The following NRG1 variants were observed in gnomAD, a reference collection of about 807,000 sequenced individuals.
NRG1 encodes neuregulin 1.
NRG1 carries 18 observed loss-of-function variants against 63.8 expected under a neutral mutation model. The ratio of observed to expected loss-of-function variants is 0.28; its 90% confidence interval spans 0.19 to 0.42. NRG1 has a LOEUF of 0.42. NRG1 is among the 10% of genes least tolerant of loss of function. The pLI is 1.00. For synonymous variants in NRG1, 302 were observed against 301.3 expected (o/e 1.00, Z -0.02); for missense variants, 762 against 814.7 (o/e 0.94, Z 0.79).
intron 1 of NRG1, among the ~76,000 whole-genome samples, chr8:32,567,158 T>C (rs1837606643): frequency 6.6e-6 from 1 of 152,204 alleles, no homozygotes; most frequent in South Asian, 2.1e-4. Flanking sequence ...TTTGGATGAA[T>C]TGACTCTGGT....
At chr8:32,394,753 T>C (rs1812226209) in intron 1 of NRG1, among the ~76,000 whole-genome samples, 1 of 152,186 alleles carries the variant, frequency 6.6e-6, no homozygotes, top group Non-Finnish European at 1.5e-5. Context: ...GACTTCAGTT[T>C]GGCCTTCAAG....
At chr8:32,600,887 T>A (rs2129538412) in intron 2 of NRG1, among the ~76,000 whole-genome samples, 1 of 152,250 alleles carries the variant, frequency 6.6e-6, no homozygotes, top group Admixed American at 6.5e-5. Context: ...AAAAGTTAAA[T>A]TTATGACTAT....
At chr8:31,692,227 G>A (rs1809606625) in intron 1 of NRG1, among the ~76,000 whole-genome samples, 1 of 152,166 alleles carries the variant, frequency 6.6e-6, no homozygotes, top group Non-Finnish European at 1.5e-5. Flanking sequence ...TCTTCATAAT[G>A]AGTCATAGAA....
chr8:32,463,057 T>C (rs983382230), intron 1 of NRG1, among the ~76,000 whole-genome samples: 4 of 152,004 alleles, frequency 2.6e-5, no homozygotes, highest in Non-Finnish European at 5.9e-5. Context: ...AGTAAGATCG[T>C]GCAGTAGTTT....
chr8:31,905,867 T>C (rs1201746788), intron 1 of NRG1, among the ~76,000 whole-genome samples: 2 of 152,222 alleles, frequency 1.3e-5, no homozygotes, highest in Non-Finnish European at 2.9e-5. Context: ...TTGATGGTTA[T>C]TAGTAGTATA....
At chr8:32,459,190 C>T (rs953763502) in intron 1 of NRG1, among the ~76,000 whole-genome samples, 1 of 152,114 alleles carries the variant, frequency 6.6e-6, no homozygotes, top group East Asian at 1.9e-4. Flanking sequence ...TCTGGTCTTG[C>T]CCATCTCAAT....
At chr8:32,233,559 ATATATTT>A (rs1455166079) in intron 1 of NRG1, among the ~76,000 whole-genome samples, 63 of 67,458 alleles carry the variant, frequency 9.3e-4, no homozygotes, top group Middle Eastern at 8.5e-3. Context: ...ATATATATAT[ATATATTT>A]TTTTTTTTTT....
chr8:31,803,722 G>C (rs1446510837), intron 1 of NRG1, among the ~76,000 whole-genome samples: 5 of 152,292 alleles, frequency 3.3e-5, no homozygotes, highest in African/African-American at 1.2e-4. Context: ...ATCCTAGAAT[G>C]ACTTCCATTG....
chr8:32,671,267 C>T (rs1178392733), intron 5 of NRG1, among the ~76,000 whole-genome samples: 1 of 152,052 alleles, frequency 6.6e-6, no homozygotes, highest in African/African-American at 2.4e-5. Context: ...TCCTTTGTTC[C>T]TCCTCATCAT....
chr8:32,671,808 A>C (rs987900435), intron 5 of NRG1, among the ~76,000 whole-genome samples: 1 of 152,190 alleles, frequency 6.6e-6, no homozygotes, highest in Admixed American at 6.5e-5. Flanking sequence ...TCAGTTAGTA[A>C]ATTCAATAAA....
intron 1 of NRG1, among the ~76,000 whole-genome samples, chr8:31,678,603 T>C (rs536418898): frequency 2.0e-5 from 3 of 151,918 alleles, no homozygotes; most frequent in African/African-American, 7.2e-5. Context: ...TTTAAACTTT[T>C]CTGATGACAT....
intron 1 of NRG1, among the ~76,000 whole-genome samples, chr8:31,792,554 A>T (rs968201287): frequency 6.6e-6 from 1 of 152,260 alleles, no homozygotes; most frequent in Non-Finnish European, 1.5e-5. Flanking sequence ...GATTTTAAAA[A>T]AATTGTTTCA....
At chr8:31,874,076 G>A (rs908354541) in intron 1 of NRG1, among the ~76,000 whole-genome samples, 2 of 152,150 alleles carry the variant, frequency 1.3e-5, no homozygotes, top group African/African-American at 4.8e-5. Flanking sequence ...GATCATTTGT[G>A]TAATTGAATC....
intron 1 of NRG1, among the ~76,000 whole-genome samples, chr8:31,902,563 T>C (rs1051130729): frequency 6.6e-6 from 1 of 152,142 alleles, no homozygotes; most frequent in Non-Finnish European, 1.5e-5. Context: ...ATTATCACTA[T>C]AGAAAACAAA....
At chr8:32,267,767 C>A (rs1396907570) in intron 1 of NRG1, among the ~76,000 whole-genome samples, 1 of 152,172 alleles carries the variant, frequency 6.6e-6, no homozygotes, top group African/African-American at 2.4e-5. Context: ...TAAAATGGAG[C>A]TGATGTTCAT....
At chr8:31,969,629 G>T (rs1462123648) in intron 1 of NRG1, among the ~76,000 whole-genome samples, 2 of 152,136 alleles carry the variant, frequency 1.3e-5, no homozygotes, top group African/African-American at 4.8e-5. Context: ...TGTGTGTCTG[G>T]CTGCTACCTA....
At chr8:31,771,027 C>A (rs1483683279) in intron 1 of NRG1, among the ~76,000 whole-genome samples, 1 of 151,980 alleles carries the variant, frequency 6.6e-6, no homozygotes, top group Non-Finnish European at 1.5e-5. Context: ...AATCATTTTC[C>A]TTTATAGCAT....
chr8:32,160,357 G>T (rs1312505033), intron 1 of NRG1, among the ~76,000 whole-genome samples: 1 of 152,176 alleles, frequency 6.6e-6, no homozygotes, highest in Non-Finnish European at 1.5e-5. Flanking sequence ...ACTAAATGCT[G>T]CCCCAGAGAT....
chr8:31,640,375 G>T lies in NRG1; in HGVS notation c.37+944G>T. The stretch of plus-strand genomic sequence containing the variant: ...ACGGGCGCTGGGGCCGCCCGCCGAG[G>T]AGCCGCTGCTCGCCGCCAACGGGAC... On this transcript the variant is annotated intron_variant, in intron 1 of 10. Transcript: ENST00000519301. The surrounding 1 kb of genome is among the most constrained non-coding windows in gnomAD (Gnocchi z 6.3). 1 of 1,283,212 alleles carries T rather than the reference G, an allele frequency of 7.8e-7. No homozygotes were observed. Among genetic ancestry groups the T allele is most frequent in the South Asian group, 2.7e-5 (1 of 37,280 alleles). The allele number at this position is 1,283,212 out of a possible 1,614,324, so 79.5% of individuals were successfully genotyped here. A position where few individuals can be genotyped will look rare whatever the true frequency, so the allele number is the denominator to read the frequency against.
Sources: allele counts gnomAD v4.1 joint callset (sites outside exome capture counted in the v4.1 genomes callset), GRCh38; gene constraint gnomAD v4.1.1; non-coding constraint Gnocchi (gnomAD v3.1); transcripts MANE v1.5; gene names NCBI Gene and HGNC (gene_info 2026-07-23, HGNC 2026-07-21).